Variants in NKAIN2 observed in about 807,000 individuals in gnomAD.
NKAIN2 encodes the protein sodium/potassium-transporting ATPase subunit beta-1-interacting protein 2.
NKAIN2 carries 14 observed loss-of-function variants against 32.6 expected under a neutral mutation model. That is an observed-to-expected ratio of 0.43 (90% confidence interval 0.28 to 0.67). The LOEUF (loss-of-function observed/expected upper bound fraction) is 0.67, where lower values mean the gene tolerates loss of function less well. Among genes scored for constraint, NKAIN2 ranks in the 30% least tolerant of loss-of-function variants. NKAIN2 has a pLI of 0.17. For missense variants in NKAIN2, 198 were observed against 258.3 expected (o/e 0.77, Z 1.60); for synonymous variants, 80 against 87.2 (o/e 0.92, Z 0.46).
intron 5 of NKAIN2, among the ~76,000 whole-genome samples, chr6:124,796,620 G>A (rs916730048): frequency 1.3e-5 from 2 of 152,074 alleles, no homozygotes; most frequent in Non-Finnish European, 2.9e-5. Context: ...AGGAATTCCC[G>A]CTCAAGATCT....
intron 1 of NKAIN2, among the ~76,000 whole-genome samples, chr6:124,157,800 G>A (rs941469275): frequency 2.0e-5 from 3 of 152,082 alleles, no homozygotes; most frequent in Non-Finnish European, 4.4e-5. Context: ...TAAACTAATG[G>A]GGAGGATTGT....
chr6:124,144,859 T>C (rs781454203), intron 1 of NKAIN2, among the ~76,000 whole-genome samples: 2 of 152,036 alleles, frequency 1.3e-5, no homozygotes, highest in Non-Finnish European at 2.9e-5. Flanking sequence ...TAGGAGGAAA[T>C]ATCTGTAGAC....
At chr6:124,798,653 C>T (rs1015530063) in intron 5 of NKAIN2, among the ~76,000 whole-genome samples, 12 of 152,050 alleles carry the variant, frequency 7.9e-5, no homozygotes, top group Admixed American at 3.9e-4. Context: ...AATTTAATAT[C>T]GATTTGTTCT....
intron 2 of NKAIN2, among the ~76,000 whole-genome samples, chr6:124,293,018 G>A (rs1199246879): frequency 6.6e-6 from 1 of 151,972 alleles, no homozygotes; most frequent in Non-Finnish European, 1.5e-5. Context: ...TGTGCATTAG[G>A]TTGATCTAAT....
chr6:124,086,852 A>G (rs188374165), intron 1 of NKAIN2, among the ~76,000 whole-genome samples: 117 of 152,046 alleles, frequency 7.7e-4, no homozygotes, highest in African/African-American at 2.7e-3. Flanking sequence ...CATTTAAGGA[A>G]GAAATTACAC....
intron 4 of NKAIN2, among the ~76,000 whole-genome samples, chr6:124,721,030 T>G (rs1318952526): frequency 6.6e-6 from 1 of 152,212 alleles, no homozygotes; most frequent in Non-Finnish European, 1.5e-5. Flanking sequence ...CTTTTACATT[T>G]GGCATTTCTG....
At chr6:124,413,462 C>T (rs1264527057) in intron 3 of NKAIN2, among the ~76,000 whole-genome samples, 2 of 152,094 alleles carry the variant, frequency 1.3e-5, no homozygotes, top group South Asian at 2.1e-4. Flanking sequence ...ATTTCTGTAA[C>T]TTTTTATTGA....
intron 4 of NKAIN2, among the ~76,000 whole-genome samples, chr6:124,726,641 C>G (rs371573893): frequency 1.7e-4 from 25 of 145,204 alleles, no homozygotes; most frequent in Non-Finnish European, 2.6e-4. Context: ...ACTCTAAAAA[C>G]CAGAGCGCCT....
chr6:124,643,465 T>C (rs963690634), intron 3 of NKAIN2, among the ~76,000 whole-genome samples: 8 of 152,188 alleles, frequency 5.3e-5, no homozygotes, highest in Admixed American at 3.9e-4. Flanking sequence ...TTCTTGGACA[T>C]AGATTGTCCA....
At chr6:123,958,497 G>A (rs1306816757) in intron 1 of NKAIN2, among the ~76,000 whole-genome samples, 1 of 152,176 alleles carries the variant, frequency 6.6e-6, no homozygotes, top group Non-Finnish European at 1.5e-5. Context: ...CTCACATGGT[G>A]GACAGGCAAA....
At chr6:124,730,814 G>T (rs1776626230) in intron 4 of NKAIN2, among the ~76,000 whole-genome samples, 2 of 151,452 alleles carry the variant, frequency 1.3e-5, no homozygotes, top group East Asian at 3.9e-4. Flanking sequence ...CTACTCATCT[G>T]ACAAAGGGCT....
At chr6:123,837,860 A>C (rs755165135) in intron 1 of NKAIN2, among the ~76,000 whole-genome samples, 25 of 152,306 alleles carry the variant, frequency 1.6e-4, no homozygotes, top group Middle Eastern at 3.4e-3. Context: ...TTACCTTTCA[A>C]TATATTATTT....
At chr6:124,095,033 A>G (rs1182232841) in intron 1 of NKAIN2, among the ~76,000 whole-genome samples, 1 of 152,162 alleles carries the variant, frequency 6.6e-6, no homozygotes, top group African/African-American at 2.4e-5. Context: ...ATTAAAAAAT[A>G]TGTAATAACA....
chr6:124,136,585 A>C (rs1392842763), intron 1 of NKAIN2, among the ~76,000 whole-genome samples: 1 of 152,202 alleles, frequency 6.6e-6, no homozygotes, highest in Non-Finnish European at 1.5e-5. Context: ...ATCCCTGATG[A>C]AATTAGGTGT....
chr6:124,230,911 A>G (rs1232107174), intron 1 of NKAIN2, among the ~76,000 whole-genome samples: 1 of 152,162 alleles, frequency 6.6e-6, no homozygotes, highest in African/African-American at 2.4e-5. Context: ...CTCCTAGTGG[A>G]GCTGTGAGAA....
chr6:123,835,356 A>G (rs928003632), intron 1 of NKAIN2, among the ~76,000 whole-genome samples: 2 of 152,236 alleles, frequency 1.3e-5, no homozygotes, highest in Non-Finnish European at 2.9e-5. Flanking sequence ...CGTGGCTATC[A>G]AAGTATTCTG....
intron 1 of NKAIN2, among the ~76,000 whole-genome samples, chr6:124,274,841 T>TA (rs929808059): frequency 2.0e-5 from 3 of 151,838 alleles, no homozygotes; most frequent in Non-Finnish European, 2.9e-5. Flanking sequence ...ATCTAAACAC[T>TA]AAAAAAACCC....
intron 2 of NKAIN2, among the ~76,000 whole-genome samples, chr6:124,294,263 C>T (rs929247902): frequency 6.6e-6 from 1 of 151,986 alleles, no homozygotes; most frequent in African/African-American, 2.4e-5. Flanking sequence ...GTAACTCATC[C>T]AGTACCCAGC....
intron 1 of NKAIN2, among the ~76,000 whole-genome samples, chr6:123,966,161 C>A (rs974278899): frequency 4.6e-5 from 7 of 152,168 alleles, no homozygotes; most frequent in Non-Finnish European, 7.3e-5. Flanking sequence ...CAGGAATCTT[C>A]TCTTTGGTGA....
Sources: gnomAD v4.1 joint callset for allele counts (sites outside exome capture counted in the v4.1 genomes callset) on GRCh38, gnomAD v4.1.1 for gene constraint, MANE v1.5 for transcripts, NCBI Gene and HGNC (gene_info 2026-07-23, HGNC 2026-07-21) for gene names.